The following KLF17 variants were observed in gnomAD, a reference collection of about 807,000 sequenced individuals.
KLF17 encodes Krueppel-like factor 17.
Under a neutral mutation model 34.2 loss-of-function variants are expected in KLF17, and 31 were observed. That is an observed-to-expected ratio of 0.91 (90% CI 0.68 to 1.22). The LOEUF is 1.22. KLF17 is among the 50% of genes most tolerant of loss of function. KLF17 has a pLI of 0.00. For synonymous variants in KLF17, 179 were observed against 186.7 expected (o/e 0.96, Z 0.34); for missense variants, 478 against 505.2 (o/e 0.95, Z 0.52).
chr1:44,103,472 G>C, the KLF17 span: 1 of 884,420 alleles, frequency 1.1e-6, no homozygotes, highest in Non-Finnish European at 1.9e-6. Flanking sequence ...AGCTGAGGCC[G>C]GGGCTCGTGA....
the KLF17 span, chr1:44,048,039 T>TGC: frequency 6.2e-4 from 91 of 146,890 alleles, 2 homozygotes; most frequent in Admixed American, 4.9e-3. Context: ...TGTGTGTGTG[T>TGC]GCACGTGCAC....
the KLF17 span, among the ~76,000 whole-genome samples, chr1:44,047,281 T>C: frequency 6.6e-6 from 1 of 152,200 alleles, no homozygotes; most frequent in African/African-American, 2.4e-5. Flanking sequence ...ACTCATAGCA[T>C]TGAGCCACCC....
the KLF17 span, among the ~76,000 whole-genome samples, chr1:44,053,893 C>T: frequency 2.0e-5 from 3 of 152,172 alleles, no homozygotes; most frequent in Non-Finnish European, 4.4e-5. Context: ...GAGTAGCCAC[C>T]CAACCCAGGC....
chr1:44,065,466 G>C, the KLF17 span, among the ~76,000 whole-genome samples: 129 of 139,148 alleles, frequency 9.3e-4, 1 homozygote, highest in Non-Finnish European at 8.6e-4. Context: ...CTGAAGTGCA[G>C]TGGTGTGATG....
chr1:44,111,379 G>T, the KLF17 span, among the ~76,000 whole-genome samples: 15 of 148,600 alleles, frequency 1.0e-4, no homozygotes, highest in Non-Finnish European at 1.8e-4. Context: ...ATATGTTGGT[G>T]TATCCATAAA....
At chr1:44,071,022 C>T in the KLF17 span, among the ~76,000 whole-genome samples, 2 of 151,970 alleles carry the variant, frequency 1.3e-5, no homozygotes, top group African/African-American at 4.8e-5. Flanking sequence ...TGCGGTCAAA[C>T]CTCTTCCTCA....
chr1:44,057,714 C>T, the KLF17 span, among the ~76,000 whole-genome samples: 1 of 152,216 alleles, frequency 6.6e-6, no homozygotes, highest in Admixed American at 6.5e-5. Flanking sequence ...TAAGTATTCC[C>T]ATGACTCCTT....
the KLF17 span, among the ~76,000 whole-genome samples, chr1:44,077,909 T>C: frequency 2.0e-5 from 3 of 152,194 alleles, no homozygotes; most frequent in African/African-American, 7.2e-5. Flanking sequence ...GGTCACATTG[T>C]ACAGAAGTAC....
At chr1:44,083,420 C>T in the KLF17 span, among the ~76,000 whole-genome samples, 26 of 152,120 alleles carry the variant, frequency 1.7e-4, no homozygotes, top group African/African-American at 4.8e-4. Context: ...CTCCCAGCCT[C>T]CTGCTCAGTT....
chr1:44,127,113 T>G (rs1349255362), intron 1 of KLF17, among the ~76,000 whole-genome samples: 1 of 151,366 alleles, frequency 6.6e-6, no homozygotes, highest in Non-Finnish European at 1.5e-5. Context: ...TTCCCTATGT[T>G]GCTCAGGCTG....
At chr1:44,084,612 C>T in the KLF17 span, among the ~76,000 whole-genome samples, 2 of 150,094 alleles carry the variant, frequency 1.3e-5, no homozygotes, top group African/African-American at 4.9e-5. Context: ...CCTATGAGGT[C>T]AAGACTGCAG....
the KLF17 span, among the ~76,000 whole-genome samples, chr1:44,109,322 G>GA: frequency 1.3e-5 from 2 of 152,164 alleles, no homozygotes; most frequent in Non-Finnish European, 2.9e-5. Flanking sequence ...CAAACTCCCA[G>GA]AAAACAAAGA....
the KLF17 span, among the ~76,000 whole-genome samples, chr1:44,071,836 A>G: frequency 6.6e-6 from 1 of 151,970 alleles, no homozygotes; most frequent in Admixed American, 6.6e-5. Context: ...TCCTGAGACC[A>G]CCTCAGCATA....
At chr1:44,112,415 ATTTTTTAG>A in the KLF17 span, among the ~76,000 whole-genome samples, 1 of 150,234 alleles carries the variant, frequency 6.7e-6, no homozygotes, top group Non-Finnish European at 1.5e-5. Flanking sequence ...TTCTTTTTTT[ATTTTTTAG>A]CATCAGGGTC....
At chr1:44,047,328 A>G in the KLF17 span, among the ~76,000 whole-genome samples, 1 of 152,162 alleles carries the variant, frequency 6.6e-6, no homozygotes, top group African/African-American at 2.4e-5. Flanking sequence ...TTGGTCATGA[A>G]TTTTGATCTG....
the KLF17 span, among the ~76,000 whole-genome samples, chr1:44,081,559 G>A: frequency 6.6e-6 from 1 of 151,814 alleles, no homozygotes; most frequent in African/African-American, 2.4e-5. Flanking sequence ...GGAACTACAG[G>A]TGCCCACCCC....
At chr1:44,101,247 G>A in the KLF17 span, among the ~76,000 whole-genome samples, 1 of 146,730 alleles carries the variant, frequency 6.8e-6, no homozygotes, top group African/African-American at 2.5e-5. Flanking sequence ...AGGCCATTCT[G>A]TTACAGAACC....
the KLF17 span, among the ~76,000 whole-genome samples, chr1:44,058,874 GCCTTTTGGAGGCT>G: frequency 4.7e-4 from 72 of 151,812 alleles, no homozygotes; most frequent in Admixed American, 1.4e-3. Context: ...GGCCCTCCAA[GCCTTTTGGAGGCT>G]CCCTTCAACA....
intron 1 of KLF17, among the ~76,000 whole-genome samples, chr1:44,119,619 T>C (rs1040041120): frequency 6.6e-6 from 1 of 152,030 alleles, no homozygotes; most frequent in East Asian, 1.9e-4. Flanking sequence ...TTGACCCGAT[T>C]TGGGAGGCTT....
Sources: gnomAD v4.1 joint callset for allele counts (sites outside exome capture counted in the v4.1 genomes callset) on GRCh38, gnomAD v4.1.1 for gene constraint, MANE v1.5 for transcripts, NCBI Gene and HGNC (gene_info 2026-07-23, HGNC 2026-07-21) for gene names.